Variants in PIGZ observed in about 807,000 individuals in gnomAD.
PIGZ encodes the protein GPI alpha-1,2-mannosyltransferase 4.
Under a neutral mutation model 16.4 loss-of-function variants are expected in PIGZ, and 16 were observed. That is an observed-to-expected ratio of 0.97 (90% CI 0.66 to 1.48). The LOEUF is 1.48. PIGZ is among the 40% of genes most tolerant of loss of function. PIGZ has a pLI of 0.00. For missense variants in PIGZ, 770 were observed against 739.2 expected, an observed-to-expected ratio of 1.04 and a Z score of -0.48; for synonymous variants, 409 against 338.4, an observed-to-expected ratio of 1.21 and a Z score of -2.29.
In PIGZ at chr3:196,965,134, C is replaced by A. The variant is rs111414292; in HGVS notation, c.-1+3553G>T. Reference sequence around the variant, plus strand: ...GTCCCACACTCCTGGTACCAATTTACTGTGTTAATCTATTCTCACACTGCT... The same window carrying A: ...GTCCCACACTCCTGGTACCAATTTAATGTGTTAATCTATTCTCACACTGCT... On this transcript the variant is annotated intron_variant, in intron 1 of 2. Coordinates refer to ENST00000412723, the MANE Select transcript of PIGZ (RefSeq NM_025163.4). This position sits in a 1 kb window ranked among gnomAD's most constrained non-coding sequence, Gnocchi z 4.2. Among the ~76,000 whole-genome samples, 1 of 152,228 alleles carries A rather than the reference C, an allele frequency of 6.6e-6. No individual in the cohort carries two copies. Among genetic ancestry groups the A allele is most frequent in the Non-Finnish European group, 1.5e-5 (1 of 68,032 alleles).
At chr3:196,957,613 C>T (rs559853163) in intron 1 of PIGZ, among the ~76,000 whole-genome samples, 3 of 152,246 alleles carry the variant, frequency 2.0e-5, no homozygotes, top group Non-Finnish European at 4.4e-5. Flanking sequence ...AACTCCTGAC[C>T]TCGTGATCCG....
At chr3:196,958,858 A>T (rs1311236983) in intron 1 of PIGZ, among the ~76,000 whole-genome samples, 1 of 152,182 alleles carries the variant, frequency 6.6e-6, no homozygotes, top group African/African-American at 2.4e-5. Context: ...TATTTAAGGG[A>T]CAGCCTTGGT....
Position 196,948,619 on chromosome 3 carries a change from A to G in PIGZ, c.278T>C (p.Val93Ala). Residue 93 changes from valine to alanine, a missense_variant, in exon 3 of 3, where the codon GTG becomes GCG. Physicochemically the swap from Val to Ala is moderately conservative, Grantham distance 64. Transcript: ENST00000412723. ...ACCAGAGATCAGCAGGGGGAAGAGC[A>G]CCGAGCGGCAGGAGCTGCTGGGGTA... Reference protein sequence around the residue: ...EFYPSSSCRSVLFPLLISGST... With the variant: ...EFYPSSSCRSALFPLLISGST... The G allele has an allele frequency of 6.6e-7, 1 of 1,524,272 alleles. No individual in the cohort carries two copies. Among genetic ancestry groups the G allele is most frequent in the Non-Finnish European group, 8.8e-7 (1 of 1,139,264 alleles). The allele number at this position is 1,524,272 out of a possible 1,614,324, so 94.4% of individuals were successfully genotyped here.
chr3:196,948,481 G>T lies in PIGZ; in HGVS notation c.416C>A (p.Ala139Asp). The change falls in exon 3 of 3, where the codon GCT becomes GAT. Residue 139 changes from alanine (A) to aspartate (D), a missense_variant. Transcript: ENST00000412723. ...PRLLLTALSF[A>D]LDGAVYHLAP... ...CAGGTGGTACACGGCCCCGTCCAGA[G>T]CAAAGGAAAGGGCAGTGAGGAGGAG... The T allele has an allele frequency of 6.2e-7, 1 of 1,613,828 alleles. No individual in the cohort carries two copies. The highest frequency in any genetic ancestry group is 8.5e-7 in the Non-Finnish European group (1 of 1,179,908).
chr3:196,951,780 C>T lies in PIGZ; in HGVS notation c.211+41G>A, dbSNP rs1346675813. The T allele has an allele frequency of 3.7e-6, 6 of 1,602,970 alleles. No homozygotes were observed. In the African/African-American group the frequency reaches 6.7e-5, roughly 18 times the overall value. ...GTCTCCCGTCAGCTTCTCAAGCAGA[C>T]TCTGCTGCAGCTTGTCTCAGCCACA... is the stretch of plus-strand genomic sequence containing the variant. On this transcript the variant is annotated intron_variant, in intron 2 of 2. Transcript: ENST00000412723.
In PIGZ at chr3:196,948,108, A is replaced by G. The variant is rs1311806664; in HGVS notation, c.789T>C (p.Pro263=). The G allele has an allele frequency of 6.3e-7, 1 of 1,595,682 alleles. No individual in the cohort carries two copies. Among genetic ancestry groups the G allele is most frequent in the Non-Finnish European group, 8.6e-7 (1 of 1,168,902 alleles). Residue 263 remains proline (P), a synonymous_variant, in exon 3 of 3, where the codon CCT becomes CCC. Transcript: ENST00000412723. Reference sequence around the variant, plus strand: ...ACACCGCTGCTGTGAGGGCTGCCCCAGGGAGCAGCACCAGGGCCTCCCGGG... The same window carrying G: ...ACACCGCTGCTGTGAGGGCTGCCCCGGGGAGCAGCACCAGGGCCTCCCGGG... ...SLTREALVLL[P]GAALTAAVFV... is the part of the protein sequence containing the mutation.
chr3:196,958,565 A>C (rs9867805), intron 1 of PIGZ, among the ~76,000 whole-genome samples: 25,162 of 152,260 alleles, frequency 0.17, 2,520 homozygotes, highest in Middle Eastern at 0.27. Flanking sequence ...TGGGAGGCGG[A>C]GTTTGCAGTT....
At chr3:196,948,887 TCCCC>T (rs1560180775) in intron 2 of PIGZ, among the ~76,000 whole-genome samples, 1 of 12,620 alleles carries the variant, frequency 7.9e-5, no homozygotes, top group African/African-American at 5.4e-4. Flanking sequence ...TTCCCTTCCT[TCCCC>T]TTCCTTCCCT....
At chr3:196,963,012 G>A (rs879457920) in intron 1 of PIGZ, among the ~76,000 whole-genome samples, 5 of 152,162 alleles carry the variant, frequency 3.3e-5, no homozygotes, top group Admixed American at 2.0e-4. Flanking sequence ...TCCACCTTGC[G>A]AGAAATACCC....
At chr3:196,956,433 A>G (rs1717492150) in intron 1 of PIGZ, among the ~76,000 whole-genome samples, 1 of 152,208 alleles carries the variant, frequency 6.6e-6, no homozygotes, top group South Asian at 2.1e-4. Flanking sequence ...CCCCTTATAA[A>G]ACCATCAGAT....
At chr3:196,959,292 T>C (rs377091479) in intron 1 of PIGZ, among the ~76,000 whole-genome samples, 1 of 152,222 alleles carries the variant, frequency 6.6e-6, no homozygotes, top group Non-Finnish European at 1.5e-5. Context: ...TTTGCAACAT[T>C]GAAATTGAGT....
In PIGZ at chr3:196,948,451, G is replaced by C; in HGVS notation, c.446C>G (p.Pro149Arg). The C allele has an allele frequency of 1.2e-6, 2 of 1,614,058 alleles. No individual in the cohort carries two copies. Among genetic ancestry groups the C allele is most frequent in the Non-Finnish European group, 1.7e-6 (2 of 1,180,000 alleles). ...GTTCCAGCGATCCGCCCCCATCGGCGGGGCCAGGTGGTACACGGCCCCGTC... is the reference window on the plus strand; with the variant it reads ...GTTCCAGCGATCCGCCCCCATCGGCCGGGCCAGGTGGTACACGGCCCCGTC... Reference protein sequence around the residue: ...ALDGAVYHLAPPMGADRWNAL... With the variant: ...ALDGAVYHLARPMGADRWNAL... The change falls in exon 3 of 3, where the codon CCG becomes CGG. Residue 149 changes from proline (P) to arginine (R), a missense_variant. By Grantham distance (103) the Pro-to-Arg change is moderately radical. Coordinates refer to ENST00000412723, the MANE Select transcript of PIGZ (RefSeq NM_025163.4).
intron 1 of PIGZ, among the ~76,000 whole-genome samples, chr3:196,967,506 G>A (rs1560193118): frequency 6.6e-6 from 1 of 152,178 alleles, no homozygotes; most frequent in Non-Finnish European, 1.5e-5. Context: ...GAAAAGCCGG[G>A]CCCCTGTGCA....
chr3:196,957,213 C>T (rs1428829716), intron 1 of PIGZ, among the ~76,000 whole-genome samples: 1 of 148,974 alleles, frequency 6.7e-6, no homozygotes, highest in Non-Finnish European at 1.5e-5. Flanking sequence ...ATGTGTTTAT[C>T]TTTTAGGAAG....
At chr3:196,963,101 G>A (rs1413533721) in intron 1 of PIGZ, among the ~76,000 whole-genome samples, 2 of 152,218 alleles carry the variant, frequency 1.3e-5, no homozygotes, top group Admixed American at 6.5e-5. Context: ...GAATGTTTTC[G>A]TGGTTCGTCC....
chr3:196,968,664 G>T (rs916348801), intron 1 of PIGZ, 23 bp downstream of exon 1: 2 of 152,250 alleles, frequency 1.3e-5, no homozygotes, highest in African/African-American at 4.8e-5. Context: ...CTCTGGAGCC[G>T]CTGGGGCTGC....
intron 1 of PIGZ, among the ~76,000 whole-genome samples, chr3:196,957,994 A>G (rs1437874827): frequency 1.3e-5 from 2 of 152,218 alleles, no homozygotes; most frequent in Non-Finnish European, 2.9e-5. Context: ...AGTGGTTTGG[A>G]TAATGAGGAA....
Position 196,946,379 on chromosome 3 carries a change from A to G in PIGZ, c.*778T>C, listed in dbSNP as rs1716875227. 6.6e-6 allele frequency: 1 copy of G among 152,258 alleles called. No homozygotes were observed. The highest frequency in any genetic ancestry group is 1.9e-4 in the East Asian group (1 of 5,202). 9.4% of individuals were successfully genotyped at this position (152,258 alleles called of 1,614,324 possible). A position where few individuals can be genotyped will look rare whatever the true frequency, so the allele number is the denominator to read the frequency against. ...TCTCCAGTGCTATTATATATTTCAA[A>G]CATTACTTGTTTGCATAATAACCAA... On this transcript the variant is annotated 3_prime_UTR_variant, in exon 3 of 3. Transcript: ENST00000412723.
At chr3:196,962,617 A>G (rs1389930782) in intron 1 of PIGZ, among the ~76,000 whole-genome samples, 4 of 152,064 alleles carry the variant, frequency 2.6e-5, no homozygotes, top group African/African-American at 2.4e-5. Flanking sequence ...AAACCGCCCT[A>G]TGGCTGGAGG....
Sources: gnomAD v4.1 joint callset for allele counts (sites outside exome capture counted in the v4.1 genomes callset) on GRCh38, gnomAD v4.1.1 for gene constraint, Gnocchi (gnomAD v3.1) non-coding constraint, MANE v1.5 for transcripts, NCBI Gene and HGNC (gene_info 2026-07-23, HGNC 2026-07-21) for gene names.